The following CLCC1 variants were observed in gnomAD, a reference collection of about 807,000 sequenced individuals.
The protein encoded by CLCC1 is chloride channel CLIC like 1, also known as chloride channel CLIC-like protein 1.
CLCC1 carries 39 observed loss-of-function variants against 63.3 expected under a neutral mutation model. The ratio of observed to expected loss-of-function variants is 0.62; its 90% confidence interval spans 0.48 to 0.81. CLCC1 has a LOEUF of 0.81. Among genes scored for constraint, CLCC1 ranks in the 30% least tolerant of loss-of-function variants. CLCC1 has a pLI of 0.00. For missense variants in CLCC1, 549 were observed against 669.4 expected, an observed-to-expected ratio of 0.82 and a Z score of 1.98; for synonymous variants, 217 against 239.8, an observed-to-expected ratio of 0.90 and a Z score of 0.88.
intron 5 of CLCC1, 54 bp downstream of exon 5, chr1:108,947,557 T>A (rs555994679): frequency 1.9e-6 from 2 of 1,034,146 alleles, no homozygotes; most frequent in African/African-American, 3.3e-5. Context: ...TATTTGAAAT[T>A]AATAAATAAA....
chr1:108,961,079 G>T (rs2101734735), intron 2 of CLCC1, among the ~76,000 whole-genome samples: 1 of 152,228 alleles, frequency 6.6e-6, no homozygotes. Context: ...CAGTTCCATA[G>T]ATTTCTCCAG....
At chr1:108,958,009 T>G (rs1475646463) in intron 2 of CLCC1, among the ~76,000 whole-genome samples, 1 of 151,248 alleles carries the variant, frequency 6.6e-6, no homozygotes, top group East Asian at 1.9e-4. Context: ...CAAGAGAGGT[T>G]GGAATTTCAG....
At position 108,929,990 on chromosome 1, in the gene CLCC1, T is replaced by C; in HGVS notation, c.*2557A>G. ...TTTCAAACACGGTAAGGAAACAATC[T>C]ATTACTTTTTTCCTTAAAAGGAGAA... is the stretch of plus-strand genomic sequence containing the variant. On this transcript the variant is annotated 3_prime_UTR_variant, in exon 13 of 13. Coordinates refer to ENST00000369969, the MANE Select transcript of CLCC1 (RefSeq NM_001377458.1). 6.5e-7 allele frequency: 1 copy of C among 1,532,274 alleles called. No individual in the cohort carries two copies. Among genetic ancestry groups the C allele is most frequent in the Non-Finnish European group, 9.0e-7 (1 of 1,111,720 alleles). The allele number at this position is 1,532,274 out of a possible 1,614,324, so 94.9% of individuals were successfully genotyped here.
chr1:108,937,891 GA>G (rs1653251785), intron 10 of CLCC1, among the ~76,000 whole-genome samples: 1 of 152,182 alleles, frequency 6.6e-6, no homozygotes, highest in South Asian at 2.1e-4. Context: ...CATTCCATGG[GA>G]AAAAGTAGGC....
At chr1:108,950,534 T>G in intron 2 of CLCC1, 86 bp from the exon 3 acceptor site, 1 of 771,804 alleles carries the variant, frequency 1.3e-6, no homozygotes, top group Non-Finnish European at 1.8e-6. Context: ...ATTATTATTA[T>G]TTTTAGAGAC....
In CLCC1 at chr1:108,938,548, T is replaced by C. The variant is rs945484368; in HGVS notation, c.1041+1088A>G. 5.9e-5 allele frequency among the ~76,000 whole-genome samples: 9 copies of C among 152,346 alleles called. No individual in the cohort carries two copies. In the South Asian group the frequency reaches 1.9e-3, roughly 32 times the overall value. ...TTTCCCTTGGCACATCTGAGTTCTT[T>C]TTGTTTTATGCGACAACTGCTTTAC... On this transcript the variant is annotated intron_variant, in intron 10 of 12. Coordinates refer to ENST00000369969, the MANE Select transcript of CLCC1 (RefSeq NM_001377458.1).
At chr1:108,959,268 C>T (rs377679744) in intron 2 of CLCC1, among the ~76,000 whole-genome samples, 10 of 151,954 alleles carry the variant, frequency 6.6e-5, no homozygotes, top group Admixed American at 1.3e-4. Flanking sequence ...ACAGGAAAAT[C>T]GCTTGAGCCT....
chr1:108,955,684 G>A (rs1203682190), intron 2 of CLCC1, among the ~76,000 whole-genome samples: 1 of 151,388 alleles, frequency 6.6e-6, no homozygotes, highest in Non-Finnish European at 1.5e-5. Context: ...CCCTCTGTAG[G>A]GGCCAGCACC....
At position 108,959,182 on chromosome 1, in the gene CLCC1, A is replaced by G. The variant is rs562357635; in HGVS notation, c.-12+3127T>C. Among the ~76,000 whole-genome samples, 3 of 152,228 alleles carry G rather than the reference A, an allele frequency of 2.0e-5. No individual in the cohort carries two copies. The East Asian group carries it at 5.8e-4, about 29-fold the overall frequency. Reference sequence around the variant, plus strand: ...ACAGTGAAACACCGTCTCAAAATAAATAAATAAATAAATATATGAAAATTA... The same window carrying G: ...ACAGTGAAACACCGTCTCAAAATAAGTAAATAAATAAATATATGAAAATTA... On this transcript the variant is annotated intron_variant, in intron 2 of 12. Transcript: ENST00000369969.
chr1:108,931,401 T>TAAC lies in CLCC1; in HGVS notation c.*1143_*1145dup. On this transcript the variant is annotated 3_prime_UTR_variant, in exon 13 of 13. Transcript: ENST00000369969. Reference sequence around the variant, plus strand: ...GTATGGGACAGACTGGGACCTGGAGTAACACTGGATCACAGACTGCAAAGG... The same window carrying TAAC: ...GTATGGGACAGACTGGGACCTGGAGTAACAACACTGGATCACAGACTGCAAAGG... 6.5e-7 allele frequency: 1 copy of TAAC among 1,549,758 alleles called. No individual in the cohort carries two copies. Among genetic ancestry groups the TAAC allele is most frequent in the Non-Finnish European group, 8.7e-7 (1 of 1,147,078 alleles).
chr1:108,949,059 C>T (rs1445528423), intron 4 of CLCC1, among the ~76,000 whole-genome samples: 1 of 152,202 alleles, frequency 6.6e-6, no homozygotes, highest in East Asian at 1.9e-4. Context: ...CCTTATCCCC[C>T]CTACTTCCCT....
At chr1:108,955,035 G>C (rs973224950) in intron 2 of CLCC1, among the ~76,000 whole-genome samples, 8 of 151,130 alleles carry the variant, frequency 5.3e-5, no homozygotes, top group African/African-American at 2.0e-4. Flanking sequence ...ATTTCTCCAT[G>C]TTGGTCAGGG....
At chr1:108,948,200 G>A (rs1654781353) in intron 4 of CLCC1, among the ~76,000 whole-genome samples, 1 of 152,138 alleles carries the variant, frequency 6.6e-6, no homozygotes, top group Non-Finnish European at 1.5e-5. Flanking sequence ...TCTTCAATGT[G>A]CATATGACTT....
At chr1:108,945,183 CCTAT>C (rs1320984519) in intron 5 of CLCC1, among the ~76,000 whole-genome samples, 1 of 152,196 alleles carries the variant, frequency 6.6e-6, no homozygotes, top group Non-Finnish European at 1.5e-5. Context: ...TTGACTGAAG[CCTAT>C]CTAATACACA....
chr1:108,949,227 T>G (rs1167144081), intron 4 of CLCC1, among the ~76,000 whole-genome samples: 1 of 152,122 alleles, frequency 6.6e-6, no homozygotes, highest in Non-Finnish European at 1.5e-5. Flanking sequence ...AGGCCTCACC[T>G]CCTTACCTCC....
In CLCC1 at chr1:108,943,467, TATA is replaced by T. The variant is rs764949665; in HGVS notation, c.702+5_702+7del. The stretch of plus-strand genomic sequence containing the variant: ...TTAAAATTGTAAAACCCTCCATCCA[TATA>T]ATACCTTATATAAATACATCCAATT... On this transcript the variant is annotated splice_donor_5th_base_variant and intron_variant, in intron 7 of 12. Coordinates refer to ENST00000369969, the MANE Select transcript of CLCC1 (RefSeq NM_001377458.1). The T allele has an allele frequency of 8.7e-6, 14 of 1,611,976 alleles. No homozygotes were observed. In the South Asian group the frequency reaches 1.2e-4, roughly 14 times the overall value.
intron 11 of CLCC1, among the ~76,000 whole-genome samples, 181 bp from the exon 12 acceptor site, chr1:108,935,123 C>T (rs1652700122): frequency 6.6e-6 from 1 of 152,218 alleles, no homozygotes; most frequent in Non-Finnish European, 1.5e-5. Flanking sequence ...CTCCACAGTA[C>T]TCCCACAGAG....
At position 108,931,582 on chromosome 1, in the gene CLCC1, T is replaced by G; in HGVS notation, c.*965A>C. On this transcript the variant is annotated 3_prime_UTR_variant, in exon 13 of 13. Coordinates refer to ENST00000369969, the MANE Select transcript of CLCC1 (RefSeq NM_001377458.1). ...AGAACTATTTCTCTAATGGCCAATGTTTTTTAAGAGTCATAACCTGGAATT... is the reference window on the plus strand; with the variant it reads ...AGAACTATTTCTCTAATGGCCAATGGTTTTTAAGAGTCATAACCTGGAATT... 12 of 1,434,988 alleles carry G rather than the reference T, an allele frequency of 8.4e-6. No individual in the cohort carries two copies. The highest frequency in any genetic ancestry group is 1.1e-5 in the Non-Finnish European group (12 of 1,084,086). 88.9% of individuals were successfully genotyped at this position (1,434,988 alleles called of 1,614,324 possible).
rs949173800 is a variant in CLCC1, at chr1:108,931,881, G to A, written c.*666C>T. The A allele has an allele frequency of 9.9e-5, 16 of 161,884 alleles. No individual in the cohort carries two copies. Among genetic ancestry groups the A allele is most frequent in the Admixed American group, 7.9e-4 (13 of 16,514 alleles). 10.0% of individuals were successfully genotyped at this position (161,884 alleles called of 1,614,324 possible). ...GTACAAACTTTGTGTATTATTTTGT[G>A]TATACAATAGTTCTTACAGCCTGTA... On this transcript the variant is annotated 3_prime_UTR_variant, in exon 13 of 13. Transcript: ENST00000369969.
Sources: allele counts gnomAD v4.1 joint callset (sites outside exome capture counted in the v4.1 genomes callset), GRCh38; gene constraint gnomAD v4.1.1; transcripts MANE v1.5; gene names NCBI Gene and HGNC (gene_info 2026-07-23, HGNC 2026-07-21).